Variants in WFDC1 observed in about 807,000 individuals in gnomAD.
WFDC1 encodes WAP four-disulfide core domain 1.
In WFDC1, 39 loss-of-function variants were observed where a neutral mutation model predicts 32.9. The observed-to-expected ratio is 1.19, with a 90% confidence interval of 0.92 to 1.55. The LOEUF (loss-of-function observed/expected upper bound fraction) is 1.55, where lower values mean the gene tolerates loss of function less well. Among genes scored for constraint, WFDC1 ranks in the 40% most tolerant of loss-of-function variants. The pLI, the probability that WFDC1 is intolerant of heterozygous loss-of-function variation, is 0.00. For missense variants in WFDC1, 386 were observed against 309.5 expected (o/e 1.25, Z -1.85); for synonymous variants, 184 against 137.4 (o/e 1.34, Z -2.37).
rs566899388 is a variant in WFDC1 at position 84,321,345 on chromosome 16, G to A, written c.562+1774G>A. Among the ~76,000 whole-genome samples, 662 of 152,296 alleles carry A rather than the reference G, an allele frequency of 4.3e-3. 7 individuals are homozygous for A. Among genetic ancestry groups the A allele is most frequent in the African/African-American group, 0.015 (603 of 41,564 alleles). The stretch of plus-strand genomic sequence containing the variant: ...TTGTCTCTAGACACTCAATCCTGCC[G>A]TGGGTGGGTGGGGTGTATGGTCCTT... On this transcript the variant is annotated intron_variant, in intron 4 of 6. Transcript: ENST00000219454.
intron 2 of WFDC1, chr16:84,317,186 G>A (rs1307707193): frequency 3.9e-5 from 6 of 152,102 alleles, no homozygotes; most frequent in South Asian, 2.1e-4. Flanking sequence ...CCAGCTACTC[G>A]GGAGACTGAG....
At position 84,314,506 on chromosome 16, in the gene WFDC1, C is replaced by T. The variant is rs74443010; in HGVS notation, c.337+1353C>T. ...AGGCGGCTCGAGAAGGTGGCCCAGCCCCTCCTCCCAAGGCTGAGAGGAGAG... is the reference window on the plus strand; with the variant it reads ...AGGCGGCTCGAGAAGGTGGCCCAGCTCCTCCTCCCAAGGCTGAGAGGAGAG... On this transcript the variant is annotated intron_variant, in intron 2 of 6. Transcript: ENST00000219454. 8.5e-3 allele frequency among the ~76,000 whole-genome samples: 1,298 copies of T among 152,210 alleles called. 13 individuals are homozygous for T. The highest frequency in any genetic ancestry group is 0.013 in the Non-Finnish European group (900 of 68,006).
rs1302184142 is a variant in WFDC1 at position 84,326,879 on chromosome 16, C to T, written c.605-3C>T. 6.2e-7 allele frequency: 1 copy of T among 1,614,038 alleles called. No individual in the cohort carries two copies. The stretch of plus-strand genomic sequence containing the variant: ...CCCCAACAGAGCTGTGTTCTTTTCA[C>T]AGAAGGTGACTCAAAGAATGTGGCA... On this transcript the variant is annotated splice_region_variant and splice_polypyrimidine_tract_variant and intron_variant, in intron 5 of 6. Coordinates refer to ENST00000219454, the MANE Select transcript of WFDC1 (RefSeq NM_021197.4).
intron 1 of WFDC1, among the ~76,000 whole-genome samples, chr16:84,303,559 C>T: frequency 6.6e-6 from 1 of 151,978 alleles, no homozygotes; most frequent in East Asian, 1.9e-4. Flanking sequence ...GATGTAAACT[C>T]TGGTGACATT....
chr16:84,322,402 C>T (rs1262115758), intron 4 of WFDC1, among the ~76,000 whole-genome samples: 1 of 152,108 alleles, frequency 6.6e-6, no homozygotes, highest in East Asian at 1.9e-4. Flanking sequence ...CCCAGCCTTA[C>T]CAAGGAAGAA....
chr16:84,305,857 G>A (rs1174662597), intron 1 of WFDC1, among the ~76,000 whole-genome samples: 1 of 152,020 alleles, frequency 6.6e-6, no homozygotes, highest in Non-Finnish European at 1.5e-5. Flanking sequence ...CAAAATATTA[G>A]CCAGGCGTGG....
Position 84,313,042 on chromosome 16 carries a change from G to T in WFDC1, c.226G>T (p.Gly76Cys). The T allele has an allele frequency of 1.5e-6, 2 of 1,367,274 alleles. No homozygotes were observed. Among genetic ancestry groups the T allele is most frequent in the Non-Finnish European group, 1.9e-6 (2 of 1,061,538 alleles). 84.7% of individuals were successfully genotyped at this position (1,367,274 alleles called of 1,614,324 possible). A position where few individuals can be genotyped will look rare whatever the true frequency, so the allele number is the denominator to read the frequency against. ...CPPPPRTLPP[G>C]ACQAARCQAD... ...GCCGCCTCCGCGGACGCTGCCCCCCGGCGCCTGCCAGGCCGCGCGCTGTCA... is the reference window on the plus strand; with the variant it reads ...GCCGCCTCCGCGGACGCTGCCCCCCTGCGCCTGCCAGGCCGCGCGCTGTCA... Residue 76 changes from glycine to cysteine, a missense_variant, in exon 2 of 7, where the codon GGC becomes TGC. Gly to Cys is a radical substitution (Grantham distance 159). Coordinates refer to ENST00000219454, the MANE Select transcript of WFDC1 (RefSeq NM_021197.4).
In WFDC1 at chr16:84,325,120, T is replaced by A. The variant is rs184899534; in HGVS notation, c.604+660T>A. On this transcript the variant is annotated intron_variant, in intron 5 of 6. Transcript: ENST00000219454. ...CCATCCATCCATCCTTTCATTTACT[T>A]ACCTATTCACCAATCATCCATTCAT... 2.2e-3 allele frequency among the ~76,000 whole-genome samples: 340 copies of A among 151,924 alleles called. 1 individual carries two copies. The highest frequency in any genetic ancestry group is 3.0e-3 in the Non-Finnish European group (203 of 67,938).
rs1200964635 is a variant in WFDC1, at chr16:84,321,442, A to G, written c.562+1871A>G. Among the ~76,000 whole-genome samples, 3 of 152,182 alleles carry G rather than the reference A, an allele frequency of 2.0e-5. No homozygotes were observed. The South Asian group carries it at 6.2e-4, about 32-fold the overall frequency. On this transcript the variant is annotated intron_variant, in intron 4 of 6. Coordinates refer to ENST00000219454, the MANE Select transcript of WFDC1 (RefSeq NM_021197.4). ...AGTGTGGAAGGGATAGCCTTTTCCA[A>G]AAGAGAGCTGTGGGGCGAGTTGTGA... is the stretch of plus-strand genomic sequence containing the variant.
At chr16:84,303,314 C>G (rs1210002331) in intron 1 of WFDC1, among the ~76,000 whole-genome samples, 1 of 152,134 alleles carries the variant, frequency 6.6e-6, no homozygotes, top group East Asian at 1.9e-4. Context: ...TGGAACTTTC[C>G]AAAGAAGGGT....
chr16:84,311,973 C>T (rs1188421713), intron 1 of WFDC1, among the ~76,000 whole-genome samples: 1 of 152,030 alleles, frequency 6.6e-6, no homozygotes, highest in Non-Finnish European at 1.5e-5. Flanking sequence ...CCAGACCAGC[C>T]TGGCCAACAT....
intron 2 of WFDC1, among the ~76,000 whole-genome samples, chr16:84,314,577 G>T (rs982369463): frequency 6.6e-6 from 1 of 152,124 alleles, no homozygotes; most frequent in South Asian, 2.1e-4. Flanking sequence ...TTGGGGTGAG[G>T]TCACAGCGAT....
intron 1 of WFDC1, among the ~76,000 whole-genome samples, chr16:84,296,744 C>G (rs1330384860): frequency 1.3e-5 from 2 of 152,128 alleles, no homozygotes; most frequent in Admixed American, 1.3e-4. Context: ...GTGTAGTCAC[C>G]TAAGGCTTCC....
At chr16:84,309,995 G>A (rs1309696395) in intron 1 of WFDC1, among the ~76,000 whole-genome samples, 3 of 152,128 alleles carry the variant, frequency 2.0e-5, no homozygotes. Flanking sequence ...AATTGCGTCT[G>A]CAAAGACCCT....
In WFDC1 at chr16:84,308,559, G is replaced by T. The variant is rs1414709523; in HGVS notation, c.145-4402G>T. 2.0e-5 allele frequency among the ~76,000 whole-genome samples: 3 copies of T among 152,384 alleles called. No individual in the cohort carries two copies. In the South Asian group the frequency reaches 6.2e-4, roughly 32 times the overall value. On this transcript the variant is annotated intron_variant, in intron 1 of 6. Coordinates refer to ENST00000219454, the MANE Select transcript of WFDC1 (RefSeq NM_021197.4). ...ATTTGGCCAATTGAAGCTGATGGGA[G>T]GCCTTCCAGGCAGAGGACCAGCACG... is the stretch of plus-strand genomic sequence containing the variant.
intron 1 of WFDC1, chr16:84,296,827 A>G (rs552202845): frequency 2.0e-5 from 3 of 152,200 alleles, no homozygotes; most frequent in Admixed American, 6.5e-5. Flanking sequence ...AATTCCTGGA[A>G]GAAGGCTCAG....
chr16:84,305,908 C>G (rs1028245411), intron 1 of WFDC1, among the ~76,000 whole-genome samples: 2 of 152,002 alleles, frequency 1.3e-5, no homozygotes, highest in Non-Finnish European at 2.9e-5. Flanking sequence ...GAGGCTGAAG[C>G]ATGAGAACTG....
At chr16:84,296,080 T>G (rs955402322) in intron 1 of WFDC1, among the ~76,000 whole-genome samples, 1 of 152,076 alleles carries the variant, frequency 6.6e-6, no homozygotes, top group African/African-American at 2.4e-5. Context: ...TCATTTTTGG[T>G]TCCTCCCACC....
chr16:84,299,720 G>A (rs1906822654), intron 1 of WFDC1, among the ~76,000 whole-genome samples: 1 of 152,216 alleles, frequency 6.6e-6, no homozygotes, highest in African/African-American at 2.4e-5. Context: ...CCTACTGTCA[G>A]TGTGACTGTG....
Sources: gnomAD v4.1 joint callset for allele counts (sites outside exome capture counted in the v4.1 genomes callset) on GRCh38, gnomAD v4.1.1 for gene constraint, MANE v1.5 for transcripts, NCBI Gene and HGNC (gene_info 2026-07-23, HGNC 2026-07-21) for gene names.